Variants in MTUS1 observed in about 807,000 individuals in gnomAD.
MTUS1 encodes microtubule associated scaffold protein 1.
A neutral mutation model predicts 120.8 loss-of-function variants in MTUS1; 109 were observed. The ratio of observed to expected loss-of-function variants is 0.90; its 90% CI spans 0.77 to 1.06. MTUS1 has a LOEUF of 1.06. MTUS1 is among the 50% of genes least tolerant of loss of function. The probability of loss-of-function intolerance (pLI) is 0.00; values close to 1 mark genes in which losing one functional copy is unlikely to be tolerated. For synonymous variants in MTUS1, 737 were observed against 550.5 expected, an observed-to-expected ratio of 1.34 and a Z score of -4.74; for missense variants, 2,210 against 1,486.3, an observed-to-expected ratio of 1.49 and a Z score of -8.01.
At chr8:17,724,209 A>G in intron 3 of MTUS1, 1 of 420,098 alleles carries the variant, frequency 2.4e-6, no homozygotes, top group South Asian at 1.7e-5. Context: ...CATACTGGTG[A>G]CTAAAAAAAA....
intron 7 of MTUS1, 111 bp from the exon 8 acceptor site, chr8:17,675,363 T>C: frequency 1.2e-6 from 1 of 836,644 alleles, no homozygotes; most frequent in Non-Finnish European, 1.9e-6. Context: ...AGCCAAGATA[T>C]GAATCATTTA....
At chr8:17,679,735 T>G (rs542402498) in intron 7 of MTUS1, among the ~76,000 whole-genome samples, 1 of 152,224 alleles carries the variant, frequency 6.6e-6, no homozygotes, top group African/African-American at 2.4e-5. Context: ...ACTCTGGACC[T>G]CAAGCGATCC....
At chr8:17,697,987 T>G (rs573543161) in intron 6 of MTUS1, among the ~76,000 whole-genome samples, 7 of 152,328 alleles carry the variant, frequency 4.6e-5, no homozygotes, top group Admixed American at 3.9e-4. Context: ...TGGAAAAGTT[T>G]TTTTTTTAAA....
At chr8:17,737,654 T>A (rs1008055352) in intron 3 of MTUS1, among the ~76,000 whole-genome samples, 1 of 152,134 alleles carries the variant, frequency 6.6e-6, no homozygotes, top group Admixed American at 6.5e-5. Context: ...GCCCAGCTAA[T>A]TTTTTAATGT....
chr8:17,672,228 G>A (rs1218609857), intron 8 of MTUS1, among the ~76,000 whole-genome samples: 1 of 152,166 alleles, frequency 6.6e-6, no homozygotes, highest in African/African-American at 2.4e-5. Context: ...TTACTACACA[G>A]CTGTCAAGCT....
chr8:17,718,657 A>C (rs1202591223), intron 4 of MTUS1, among the ~76,000 whole-genome samples: 2 of 151,912 alleles, frequency 1.3e-5, no homozygotes, highest in Non-Finnish European at 2.9e-5. Context: ...CCTACTTCTC[A>C]ACCTGATCTA....
chr8:17,756,525 C>A (rs1314664118), intron 1 of MTUS1, among the ~76,000 whole-genome samples: 1 of 151,628 alleles, frequency 6.6e-6, no homozygotes, highest in East Asian at 1.9e-4. Flanking sequence ...TAAACATATG[C>A]TATTTCCAAA....
intron 3 of MTUS1, among the ~76,000 whole-genome samples, chr8:17,739,118 G>A (rs2047131615): frequency 6.6e-6 from 1 of 151,970 alleles, no homozygotes; most frequent in African/African-American, 2.4e-5. Context: ...ACTCCGGCCT[G>A]GACGACAGAG....
intron 8 of MTUS1, among the ~76,000 whole-genome samples, chr8:17,671,165 T>C (rs1263303939): frequency 6.6e-6 from 1 of 152,090 alleles, no homozygotes; most frequent in Non-Finnish European, 1.5e-5. Context: ...AAGTTGTATA[T>C]ATTCATATAA....
At chr8:17,722,012 G>GT in intron 4 of MTUS1, 1 of 1,415,026 alleles carries the variant, frequency 7.1e-7, no homozygotes, top group Non-Finnish European at 9.2e-7. Flanking sequence ...AAAAAAATGC[G>GT]TAAGCTCCAA....
At chr8:17,723,559 G>A in intron 4 of MTUS1, 113 bp downstream of exon 4, 2 of 1,075,480 alleles carry the variant, frequency 1.9e-6, no homozygotes, top group Non-Finnish European at 2.9e-6. Flanking sequence ...GAAGCAGTAT[G>A]CCTATTTTTC....
intron 1 of MTUS1, among the ~76,000 whole-genome samples, chr8:17,768,386 A>C (rs1413281872): frequency 2.0e-5 from 3 of 152,234 alleles, no homozygotes; most frequent in Non-Finnish European, 4.4e-5. Context: ...AAAATGAATA[A>C]TTTATTAAGC....
chr8:17,660,330 G>A lies in MTUS1; in HGVS notation c.2906-4265C>T, dbSNP rs189238574. ...GCAGGTTGCAGTGAGCCAAGATAAC[G>A]CCACTGCACTCCAGCCTGGGTGACA... On this transcript the variant is annotated intron_variant, in intron 8 of 14. Transcript: ENST00000693296. 8.0e-4 allele frequency among the ~76,000 whole-genome samples: 122 copies of A among 152,116 alleles called. 1 individual carries two copies. In the South Asian group the frequency reaches 8.7e-3, roughly 11 times the overall value.
chr8:17,713,448 A>G (rs1462875712), intron 5 of MTUS1, among the ~76,000 whole-genome samples, 196 bp from the exon 6 acceptor site: 1 of 152,170 alleles, frequency 6.6e-6, no homozygotes, highest in Non-Finnish European at 1.5e-5. Flanking sequence ...ACATAACATC[A>G]AAATGTTTAA....
chr8:17,786,719 T>C (rs1435507297), intron 1 of MTUS1, among the ~76,000 whole-genome samples: 1 of 152,148 alleles, frequency 6.6e-6, no homozygotes, highest in Non-Finnish European at 1.5e-5. Context: ...AGAGACTGGC[T>C]GGGGCTGGAA....
At chr8:17,751,754 A>G (rs2048210041) in intron 2 of MTUS1, among the ~76,000 whole-genome samples, 1 of 147,544 alleles carries the variant, frequency 6.8e-6, no homozygotes, top group Admixed American at 6.8e-5. Context: ...GCTACCTGGG[A>G]GGCTGAGGCA....
intron 1 of MTUS1, among the ~76,000 whole-genome samples, chr8:17,781,312 T>A (rs944098259): frequency 6.6e-6 from 1 of 152,246 alleles, no homozygotes; most frequent in Non-Finnish European, 1.5e-5. Context: ...ATACAATTTG[T>A]ACCACATTGT....
At chr8:17,733,830 T>C (rs149689383) in intron 3 of MTUS1, among the ~76,000 whole-genome samples, 68 of 152,340 alleles carry the variant, frequency 4.5e-4, no homozygotes, top group African/African-American at 8.9e-4. Flanking sequence ...CCTTCTAGTA[T>C]CTCAGTCAAG....
intron 7 of MTUS1, among the ~76,000 whole-genome samples, chr8:17,679,351 G>A (rs564903098): frequency 3.7e-3 from 126 of 34,466 alleles, no homozygotes; most frequent in South Asian, 0.012. Flanking sequence ...GCATGTGTGC[G>A]CGCGCGTGTG....
Sources: allele counts gnomAD v4.1 joint callset (sites outside exome capture counted in the v4.1 genomes callset), GRCh38; gene constraint gnomAD v4.1.1; transcripts MANE v1.5; gene names NCBI Gene and HGNC (gene_info 2026-07-23, HGNC 2026-07-21).